The following DNAAF11 variants were observed in gnomAD, a reference collection of about 807,000 sequenced individuals.
The protein encoded by DNAAF11 is dynein axonemal assembly factor 11, also known as leucine rich repeat containing 6.
In DNAAF11, 45 loss-of-function variants were observed where a neutral mutation model predicts 60.8. The observed-to-expected ratio is 0.74, with a 90% CI of 0.58 to 0.95. The LOEUF is 0.95. Ranked by LOEUF, DNAAF11 falls within the 40% of genes least tolerant of loss-of-function variation. DNAAF11 has a pLI of 0.00. For synonymous variants in DNAAF11, 191 were observed against 183.5 expected (o/e 1.04, Z -0.33); for missense variants, 546 against 546.2 (o/e 1.00, Z 0.00).
intron 2 of DNAAF11, among the ~76,000 whole-genome samples, chr8:132,658,127 CA>C (rs1440487940): frequency 3.3e-5 from 5 of 152,148 alleles, no homozygotes; most frequent in Non-Finnish European, 7.4e-5. Context: ...TACAAAACAT[CA>C]TATATTTGTT....
chr8:132,617,698 T>C (rs1246880023), intron 7 of DNAAF11, among the ~76,000 whole-genome samples: 1 of 152,162 alleles, frequency 6.6e-6, no homozygotes, highest in Non-Finnish European at 1.5e-5. Flanking sequence ...CCTGTCTTTT[T>C]GCTTCAAAGA....
At chr8:132,579,868 G>A (rs559372941) in intron 11 of DNAAF11, among the ~76,000 whole-genome samples, 3 of 152,156 alleles carry the variant, frequency 2.0e-5, no homozygotes, top group Non-Finnish European at 1.5e-5. Context: ...GTGGTGGCAG[G>A]TGCCTGTAGT....
At position 132,644,674 on chromosome 8, in the gene DNAAF11, C is replaced by G. The variant is rs369553527; in HGVS notation, c.257-6567G>C. Among the ~76,000 whole-genome samples, 17 of 152,250 alleles carry G rather than the reference C, an allele frequency of 1.1e-4. No homozygotes were observed. In the South Asian group the frequency reaches 3.1e-3, roughly 28 times the overall value. ...CCAACAGTCTTAGCAAACAGCACACCAGGAGATTATATCCCATGCATGACT... is the reference window on the plus strand; with the variant it reads ...CCAACAGTCTTAGCAAACAGCACACGAGGAGATTATATCCCATGCATGACT... On this transcript the variant is annotated intron_variant, in intron 3 of 11. Coordinates refer to ENST00000620350, the MANE Select transcript of DNAAF11 (RefSeq NM_012472.6).
At chr8:132,589,233 A>T (rs1816218879) in intron 10 of DNAAF11, among the ~76,000 whole-genome samples, 1 of 152,226 alleles carries the variant, frequency 6.6e-6, no homozygotes, top group Non-Finnish European at 1.5e-5. Flanking sequence ...GAAAACAAGC[A>T]TGAGCAGAGA....
Position 132,603,454 on chromosome 8 carries a change from G to A in DNAAF11, c.1140+6712C>T, listed in dbSNP as rs371086234. 2.6e-4 allele frequency among the ~76,000 whole-genome samples: 40 copies of A among 152,234 alleles called. No individual in the cohort carries two copies. The South Asian group carries it at 7.9e-3, about 30-fold the overall frequency. On this transcript the variant is annotated intron_variant, in intron 10 of 11. Coordinates refer to ENST00000620350, the MANE Select transcript of DNAAF11 (RefSeq NM_012472.6). ...GTGAAAGCTGTGTATTGAAAGCCAA[G>A]TGAGCAAGGATTTAAATATGGAGGA...
chr8:132,631,514 T>C (rs763857987), intron 5 of DNAAF11, among the ~76,000 whole-genome samples: 12 of 152,126 alleles, frequency 7.9e-5, no homozygotes, highest in Non-Finnish European at 1.6e-4. Flanking sequence ...TATAGAAAGG[T>C]ATCATTCATG....
chr8:132,586,630 C>G (rs954756206), intron 10 of DNAAF11, among the ~76,000 whole-genome samples: 1 of 152,140 alleles, frequency 6.6e-6, no homozygotes, highest in Non-Finnish European at 1.5e-5. Flanking sequence ...GGACCTGTAA[C>G]TCTCATGTAA....
Position 132,580,037 on chromosome 8 carries a change from GA to G in DNAAF11, c.1226+3656del, listed in dbSNP as rs573266391. On this transcript the variant is annotated intron_variant, in intron 11 of 11. Transcript: ENST00000620350. ...TGAACAAAAAAGACGACTACTCAAGGAAAAAAAAAAAAGCACGAGAACCAAT... is the reference window on the plus strand; with the variant it reads ...TGAACAAAAAAGACGACTACTCAAGGAAAAAAAAAAAGCACGAGAACCAAT... 6.1e-3 allele frequency among the ~76,000 whole-genome samples: 791 copies of G among 130,736 alleles called. 12 individuals are homozygous for G. Among genetic ancestry groups the G allele is most frequent in the African/African-American group, 0.016 (583 of 35,664 alleles). The allele number at this position is 130,736 out of a possible 152,430, so 85.8% of individuals were successfully genotyped here.
chr8:132,689,786 C>T, the DNAAF11 span, among the ~76,000 whole-genome samples: 2 of 152,102 alleles, frequency 1.3e-5, no homozygotes, highest in East Asian at 3.9e-4. Flanking sequence ...TGCAGTGGCA[C>T]AGTCATGGTT....
intron 8 of DNAAF11, among the ~76,000 whole-genome samples, chr8:132,614,689 T>C (rs1329246280): frequency 6.6e-6 from 1 of 152,142 alleles, no homozygotes; most frequent in Non-Finnish European, 1.5e-5. Context: ...GATCACCTGA[T>C]ACCTACTACT....
chr8:132,632,593 C>T (rs571216663), intron 5 of DNAAF11, 147 bp downstream of exon 5: 2 of 638,820 alleles, frequency 3.1e-6, no homozygotes, highest in East Asian at 5.3e-5. Flanking sequence ...CAATGGGATG[C>T]TCATATTCTT....
chr8:132,682,769 C>T, the DNAAF11 span, among the ~76,000 whole-genome samples: 1 of 152,176 alleles, frequency 6.6e-6, no homozygotes, highest in Non-Finnish European at 1.5e-5. Flanking sequence ...ATTCTGATGG[C>T]TGAAAAGTTC....
chr8:132,581,503 A>C (rs1170698745), intron 11 of DNAAF11, among the ~76,000 whole-genome samples: 1 of 151,910 alleles, frequency 6.6e-6, no homozygotes, highest in African/African-American at 2.4e-5. Context: ...TACAAAAATT[A>C]ACCAGGCATG....
At chr8:132,650,179 T>A (rs889150054) in intron 3 of DNAAF11, among the ~76,000 whole-genome samples, 2 of 152,208 alleles carry the variant, frequency 1.3e-5, no homozygotes, top group Non-Finnish European at 2.9e-5. Context: ...CATGGAATAC[T>A]ATGCAGCCAT....
rs554374898 is a variant in DNAAF11, at chr8:132,651,682, C to T, written c.256+5148G>A. On this transcript the variant is annotated intron_variant, in intron 3 of 11. Coordinates refer to ENST00000620350, the MANE Select transcript of DNAAF11 (RefSeq NM_012472.6). Reference sequence around the variant, plus strand: ...ACAAATCACACAAACAGAACTCATACGGTGTAAGAATACTTACTTCACAAA... The same window carrying T: ...ACAAATCACACAAACAGAACTCATATGGTGTAAGAATACTTACTTCACAAA... Among the ~76,000 whole-genome samples the T allele has an allele frequency of 4.0e-4, 61 of 152,268 alleles. No individual in the cohort carries two copies. In the East Asian group the frequency reaches 8.7e-3, roughly 22 times the overall value.
At chr8:132,688,155 C>T in the DNAAF11 span, among the ~76,000 whole-genome samples, 1 of 152,134 alleles carries the variant, frequency 6.6e-6, no homozygotes, top group East Asian at 1.9e-4. Context: ...TCATAAATGT[C>T]CCGGCTCTCA....
intron 2 of DNAAF11, among the ~76,000 whole-genome samples, chr8:132,657,269 G>A (rs1204045756): frequency 6.6e-6 from 1 of 152,192 alleles, no homozygotes; most frequent in African/African-American, 2.4e-5. Context: ...GCAACCGTGT[G>A]ATACAGGAGA....
rs572537692 is a variant in DNAAF11, at chr8:132,617,498, C to A, written c.915-2401G>T. On this transcript the variant is annotated intron_variant, in intron 7 of 11. Coordinates refer to ENST00000620350, the MANE Select transcript of DNAAF11 (RefSeq NM_012472.6). The stretch of plus-strand genomic sequence containing the variant: ...TGATTTTTGTACATTGATTTTGTAT[C>A]CTGAGACTTTGCTGAAGTTGCTTAT... 6.6e-5 allele frequency among the ~76,000 whole-genome samples: 10 copies of A among 152,220 alleles called. No individual in the cohort carries two copies. In the East Asian group the frequency reaches 1.9e-3, roughly 29 times the overall value.
intron 4 of DNAAF11, among the ~76,000 whole-genome samples, chr8:132,635,755 T>C (rs114801822): frequency 0.011 from 1,633 of 152,294 alleles, 12 homozygotes; most frequent in African/African-American, 0.022. Flanking sequence ...TCAGGGACTT[T>C]CTGGAAACAG....
Sources: gnomAD v4.1 joint callset for allele counts (sites outside exome capture counted in the v4.1 genomes callset) on GRCh38, gnomAD v4.1.1 for gene constraint, MANE v1.5 for transcripts, NCBI Gene and HGNC (gene_info 2026-07-23, HGNC 2026-07-21) for gene names.